Variants in MED14 observed in about 807,000 individuals in gnomAD.
MED14 encodes mediator of RNA polymerase II transcription subunit 14.
Under a neutral mutation model 109.0 loss-of-function variants are expected in MED14, and 8 were observed. The ratio of observed to expected loss-of-function variants is 0.07; its 90% confidence interval spans 0.04 to 0.13. The LOEUF is 0.13. MED14 is among the 10% of genes least tolerant of loss of function. The probability of loss-of-function intolerance (pLI) is 1.00; values close to 1 mark genes in which losing one functional copy is unlikely to be tolerated. For missense variants in MED14, 711 were observed against 1,142.4 expected (o/e 0.62, Z 5.44); for synonymous variants, 399 against 408.7 (o/e 0.98, Z 0.29).
chrX:40,662,819 G>A, intron 26 of MED14, 106 bp downstream of exon 26: 1 of 547,639 alleles, frequency 1.8e-6, no homozygotes, highest in South Asian at 3.3e-5. Context: ...CTTGTTAAAG[G>A]AGGGAAGGTG....
chrX:40,692,568 A>G, intron 14 of MED14, 140 bp downstream of exon 14: 2 of 587,855 alleles, frequency 3.4e-6, no homozygotes, highest in Non-Finnish European at 5.2e-6. Flanking sequence ...AAGAAAATGT[A>G]GACAATTGTT....
At position 40,713,021 on chromosome X, in the gene MED14, C is replaced by T. The variant is rs759092950; in HGVS notation, c.674G>A (p.Arg225His). ...GGTGGCTTCAAATTCTCCTTCAACA[C>T]GAAACTTCACCCGGCCATTTGCTTT... The part of the protein sequence containing the change: ...LTVANGRVKF[R>H]VEGEFEATLT... Residue 225 changes from arginine (R) to histidine (H), a missense_variant, in exon 6 of 31, where the codon CGT becomes CAT. Arg to His is a conservative substitution (Grantham distance 29, BLOSUM62 0). Around this residue, in one of 8 missense-constraint regions of MED14, gnomAD observed 388 missense variants for 517.3 expected, o/e 0.75. Transcript: ENST00000324817. 14 of 1,171,657 alleles carry T rather than the reference C, an allele frequency of 1.2e-5. No individual in the cohort carries two copies. Among genetic ancestry groups the T allele is most frequent in the South Asian group, 4.0e-5 (2 of 49,664 alleles).
At chrX:40,661,633 A>G (rs2146618889) in intron 26 of MED14, among the ~76,000 whole-genome samples, 1 of 112,540 alleles carries the variant, frequency 8.9e-6, no homozygotes, top group South Asian at 3.6e-4. Flanking sequence ...TCTCAAATTC[A>G]CACAACTGTT....
chrX:40,716,319 G>C (rs1028415144), intron 3 of MED14, among the ~76,000 whole-genome samples: 1 of 111,470 alleles, frequency 9.0e-6, no homozygotes, highest in Admixed American at 9.5e-5. Flanking sequence ...TAGGCTGTGT[G>C]TGGTGGCTCA....
At chrX:40,688,919 C>T (rs1930394885) in intron 15 of MED14, among the ~76,000 whole-genome samples, 1 of 112,281 alleles carries the variant, frequency 8.9e-6, no homozygotes, top group Non-Finnish European at 1.9e-5. Flanking sequence ...ACTGTCATAG[C>T]TTATTTCTAA....
chrX:40,685,621 G>C (rs1201771499), intron 16 of MED14, among the ~76,000 whole-genome samples: 1 of 112,108 alleles, frequency 8.9e-6, no homozygotes, highest in Non-Finnish European at 1.9e-5. Context: ...TTGCTGAAGC[G>C]TTCAAAACTA....
intron 10 of MED14, 45 bp downstream of exon 10, chrX:40,709,303 T>C (rs756816249): frequency 1.6e-6 from 1 of 632,423 alleles, no homozygotes; most frequent in Non-Finnish European, 2.3e-6. Context: ...AACTGGATTC[T>C]AGTTTAAACA....
At position 40,664,240 on chromosome X, in the gene MED14, G is replaced by A. The variant is rs188234797; in HGVS notation, c.3448+67C>T. 10 of 998,755 alleles carry A rather than the reference G, an allele frequency of 1.0e-5. No homozygotes were observed. The African/African-American group carries it at 1.6e-4, about 16-fold the overall frequency. 82.3% of individuals were successfully genotyped at this position (998,755 alleles called of 1,213,427 possible). A position where few individuals can be genotyped will look rare whatever the true frequency, so the allele number is the denominator to read the frequency against. The stretch of plus-strand genomic sequence containing the variant: ...AGTAGGTCATGACTTTCAAATGTGA[G>A]GATGCAACAAGATAGGTCACTTTGG... On this transcript the variant is annotated intron_variant, in intron 25 of 30. Transcript: ENST00000324817.
chrX:40,670,828 C>CA (rs772907863), intron 23 of MED14, among the ~76,000 whole-genome samples: 1 of 110,883 alleles, frequency 9.0e-6, no homozygotes, highest in East Asian at 2.8e-4. Context: ...TTCTGCTTTT[C>CA]AAAGTGAAAA....
In MED14 at chrX:40,692,795, C is replaced by T. The variant is rs1420078938; in HGVS notation, c.1758G>A (p.Leu586=). The change falls in exon 14 of 31, where the codon TTG becomes TTA. Residue 586 remains leucine (L), a synonymous_variant. Transcript: ENST00000324817. Reference sequence around the variant, plus strand: ...TGTTTTCCTTGAACTGCTGCAGCAGCAATGCCATTGCAGGGCTGTCTTCAC... The same window carrying T: ...TGTTTTCCTTGAACTGCTGCAGCAGTAATGCCATTGCAGGGCTGTCTTCAC... ...ADREDSPAMA[L]LLQQFKENIQ... is the part of the protein sequence containing the mutation. 8.3e-7 allele frequency: 1 copy of T among 1,209,644 alleles called. No individual in the cohort carries two copies. Among genetic ancestry groups the T allele is most frequent in the African/African-American group, 1.7e-5 (1 of 57,725 alleles).
At chrX:40,709,766 A>G (rs1330738625) in intron 9 of MED14, among the ~76,000 whole-genome samples, 3 of 111,954 alleles carry the variant, frequency 2.7e-5, no homozygotes, top group Non-Finnish European at 5.6e-5. Flanking sequence ...GATCTAAATT[A>G]TAAAATATGA....
chrX:40,663,169 A>G lies in MED14; in HGVS notation c.3449-9T>C, dbSNP rs1312707312. Reference sequence around the variant, plus strand: ...TGGCATTGTTTGAGAACCTTTTGGGAAGGAAAACATGTTATGTCATTTACA... The same window carrying G: ...TGGCATTGTTTGAGAACCTTTTGGGGAGGAAAACATGTTATGTCATTTACA... On this transcript the variant is annotated splice_polypyrimidine_tract_variant and intron_variant, in intron 25 of 30. Coordinates refer to ENST00000324817, the MANE Select transcript of MED14 (RefSeq NM_004229.4). The G allele has an allele frequency of 2.6e-6, 3 of 1,154,275 alleles. No individual in the cohort carries two copies. The highest frequency in any genetic ancestry group is 3.6e-5 in the African/African-American group (2 of 56,195).
intron 21 of MED14, among the ~76,000 whole-genome samples, chrX:40,677,069 G>A (rs759428453): frequency 4.5e-5 from 5 of 111,748 alleles, no homozygotes; most frequent in African/African-American, 9.8e-5. Context: ...CACTGAGCTC[G>A]GTTATCTCTT....
chrX:40,650,301 C>A lies in MED14; in HGVS notation c.*1505G>T, dbSNP rs1423000019. 1.3e-6 allele frequency: 1 copy of A among 752,526 alleles called. No homozygotes were observed. The highest frequency in any genetic ancestry group is 1.6e-6 in the Non-Finnish European group (1 of 638,846). 62.0% of individuals were successfully genotyped at this position (752,526 alleles called of 1,213,427 possible). A position where few individuals can be genotyped will look rare whatever the true frequency, so the allele number is the denominator to read the frequency against. On this transcript the variant is annotated 3_prime_UTR_variant, in exon 31 of 31. Coordinates refer to ENST00000324817, the MANE Select transcript of MED14 (RefSeq NM_004229.4). ...AGAAGAAAGGCAAAGAAGGCTTCAACTCTGATTGAAAATGAGTGGAGAATC... is the reference window on the plus strand; with the variant it reads ...AGAAGAAAGGCAAAGAAGGCTTCAAATCTGATTGAAAATGAGTGGAGAATC...
At position 40,730,796 on chromosome X, in the gene MED14, C is replaced by T. The variant is rs779489213; in HGVS notation, c.216-1451G>A. ...ACCAAAGCACAATAAGACAAGATTA[C>T]ATGACTGAGATCCTGGCATTTTCTG... On this transcript the variant is annotated intron_variant, in intron 1 of 30. Transcript: ENST00000324817. Among the ~76,000 whole-genome samples the T allele has an allele frequency of 1.1e-4, 12 of 107,586 alleles. No individual in the cohort carries two copies. The South Asian group carries it at 5.0e-3, about 45-fold the overall frequency. The allele number at this position is 107,586 out of a possible 115,157, so 93.4% of individuals were successfully genotyped here.
rs188451986 is a variant in MED14 at position 40,667,419 on chromosome X, G to A, written c.3134-568C>T. 3.8e-3 allele frequency among the ~76,000 whole-genome samples: 423 copies of A among 112,049 alleles called. 3 individuals carry two copies. The highest frequency in any genetic ancestry group is 9.3e-3 in the Middle Eastern group (2 of 216). ...AGGCATGAGGATACCCAGGGGATGAGATATTCCAGCCAAACAGAGAGCTAG... is the reference window on the plus strand; with the variant it reads ...AGGCATGAGGATACCCAGGGGATGAAATATTCCAGCCAAACAGAGAGCTAG... On this transcript the variant is annotated intron_variant, in intron 23 of 30. Coordinates refer to ENST00000324817, the MANE Select transcript of MED14 (RefSeq NM_004229.4).
At chrX:40,663,185 G>A in intron 25 of MED14, 25 bp from the exon 26 acceptor site, 1 of 1,091,556 alleles carries the variant, frequency 9.2e-7, no homozygotes, top group East Asian at 3.0e-5. Context: ...AACATGTTAT[G>A]TCATTTACAA....
rs771323396 is a variant in MED14 at position 40,714,723 on chromosome X, G to A, written c.349-13C>T. ...AGCTTGAAATCATCTTTAAAGTAAA[G>A]GGTAAATGTATTAAGCATCCCTGAA... is the stretch of plus-strand genomic sequence containing the variant. On this transcript the variant is annotated splice_polypyrimidine_tract_variant and intron_variant, in intron 3 of 30. Coordinates refer to ENST00000324817, the MANE Select transcript of MED14 (RefSeq NM_004229.4). 21 of 1,191,690 alleles carry A rather than the reference G, an allele frequency of 1.8e-5. No individual in the cohort carries two copies. In the Admixed American group the frequency reaches 4.5e-4, roughly 25 times the overall value.
Position 40,711,267 on chromosome X carries a change from T to C in MED14, c.924A>G (p.Leu308=). 6 of 1,201,205 alleles carry C rather than the reference T, an allele frequency of 5.0e-6. No homozygotes were observed. The highest frequency in any genetic ancestry group is 5.6e-6 in the Non-Finnish European group (5 of 886,310). The change falls in exon 8 of 31, where the codon TTA becomes TTG. Residue 308 remains leucine, a synonymous_variant. Transcript: ENST00000324817. The part of the protein sequence containing the change: ...SFCLSLQLEV[L]HSQTLMLIRE... ...GGATTAACATTAGAGTTTGGGAATG[T>C]AACACTTCTAACTGAAGTGATAAAC...
Sources: gnomAD v4.1 joint callset for allele counts (sites outside exome capture counted in the v4.1 genomes callset) on GRCh38, gnomAD v4.1.1 for gene constraint, gnomAD v4.1.1 regional missense constraint, MANE v1.5 for transcripts, NCBI Gene and HGNC (gene_info 2026-07-23, HGNC 2026-07-21) for gene names.